ARAP2: variants seen among roughly 807,000 people sequenced by gnomAD.
The protein encoded by ARAP2 is ArfGAP with RhoGAP domain, ankyrin repeat and PH domain 2, also known as arf-GAP with Rho-GAP domain, ANK repeat and PH domain-containing protein 2.
In ARAP2, 148 loss-of-function variants were observed where a neutral mutation model predicts 194.5. That is an observed-to-expected ratio of 0.76 (90% CI 0.67 to 0.87). The LOEUF (loss-of-function observed/expected upper bound fraction) is 0.87, where lower values mean the gene tolerates loss of function less well. ARAP2 is among the 40% of genes least tolerant of loss of function. The pLI, the probability that ARAP2 is intolerant of heterozygous loss-of-function variation, is 0.00. For missense variants in ARAP2, 2,128 were observed against 1,989.7 expected (o/e 1.07, Z -1.32); for synonymous variants, 695 against 683.5 (o/e 1.02, Z -0.26).
chr4:36,060,997 T>A (rs972059389), intron 1 of ARAP2, among the ~76,000 whole-genome samples: 18 of 152,178 alleles, frequency 1.2e-4, no homozygotes, highest in Admixed American at 2.0e-4. Flanking sequence ...CTTGTGGTAA[T>A]CTGCTTTATT....
chr4:36,039,582 T>C (rs1423810747), intron 5 of ARAP2, among the ~76,000 whole-genome samples: 1 of 152,168 alleles, frequency 6.6e-6, no homozygotes, highest in Admixed American at 6.5e-5. Flanking sequence ...ATCCTGCTCA[T>C]ATTTTTAAGC....
intron 9 of ARAP2, among the ~76,000 whole-genome samples, chr4:36,174,720 G>C (rs1465347719): frequency 6.6e-6 from 1 of 152,158 alleles, no homozygotes; most frequent in Non-Finnish European, 1.5e-5. Flanking sequence ...TGGCCTTAGA[G>C]ATAGTAATCC....
intron 6 of ARAP2, among the ~76,000 whole-genome samples, chr4:36,017,461 A>G (rs1317132206): frequency 1.3e-5 from 2 of 150,400 alleles, no homozygotes; most frequent in East Asian, 4.0e-4. Flanking sequence ...TAAGGAGAAT[A>G]AGAGAGAAAG....
chr4:36,044,329 TAAAC>T (rs1721451454), intron 5 of ARAP2, among the ~76,000 whole-genome samples: 1 of 152,158 alleles, frequency 6.6e-6, no homozygotes, highest in Admixed American at 6.5e-5. Flanking sequence ...AAAATGGAAG[TAAAC>T]AAGACACTGT....
chr4:36,137,101 A>G (rs887518028), intron 19 of ARAP2, among the ~76,000 whole-genome samples: 2 of 151,860 alleles, frequency 1.3e-5, no homozygotes, highest in African/African-American at 4.8e-5. Flanking sequence ...TAAATTTGAA[A>G]ATATGTTCTA....
At chr4:36,043,794 A>AGCAGG (rs1721268599) in intron 5 of ARAP2, among the ~76,000 whole-genome samples, 1 of 26,880 alleles carries the variant, frequency 3.7e-5, no homozygotes, top group Non-Finnish European at 8.4e-5. Context: ...AGAAGAGAAG[A>AGCAGG]GAAGGGAAGG....
chr4:36,092,404 G>GT (rs140119810), intron 27 of ARAP2, among the ~76,000 whole-genome samples: 11,083 of 152,174 alleles, frequency 0.073, 464 homozygotes, highest in East Asian at 0.12. Flanking sequence ...GAGGTCAGGA[G>GT]TTCAAGACCA....
chr4:36,143,951 C>A (rs535883258), intron 19 of ARAP2, among the ~76,000 whole-genome samples: 387 of 151,840 alleles, frequency 2.5e-3, no homozygotes, highest in Non-Finnish European at 4.0e-3. Context: ...AAATGAATTT[C>A]ATCTCCTGAT....
intron 2 of ARAP2, among the ~76,000 whole-genome samples, chr4:36,219,278 T>A (rs1207530989): frequency 6.6e-6 from 1 of 152,128 alleles, no homozygotes; most frequent in Non-Finnish European, 1.5e-5. Flanking sequence ...CCCAAATATA[T>A]GTCAATGGGC....
At chr4:36,029,683 G>T (rs1356982503) in intron 5 of ARAP2, among the ~76,000 whole-genome samples, 1 of 151,718 alleles carries the variant, frequency 6.6e-6, no homozygotes, top group Admixed American at 6.6e-5. Flanking sequence ...CATGTGTTCT[G>T]TTTTATTTTC....
chr4:36,093,833 G>T (rs1213872620), intron 27 of ARAP2, among the ~76,000 whole-genome samples: 2 of 152,032 alleles, frequency 1.3e-5, no homozygotes, highest in Non-Finnish European at 2.9e-5. Context: ...GTGTACCCAA[G>T]GTTTAGCTCT....
chr4:36,138,739 T>G (rs1727470460), intron 19 of ARAP2, among the ~76,000 whole-genome samples: 1 of 151,680 alleles, frequency 6.6e-6, no homozygotes, highest in African/African-American at 2.4e-5. Context: ...GCTCATTTGT[T>G]GGGATGTATA....
rs143552108 is a variant in ARAP2 at position 36,178,886 on chromosome 4, T to A, written c.1679-881A>T. ...GTAAAAAAGAGGTATATGTGGTAGA[T>A]CTTGAGGATGAAGAGCAATTCAAAA... On this transcript the variant is annotated intron_variant, in intron 8 of 32. Transcript: ENST00000303965. Among the ~76,000 whole-genome samples the A allele has an allele frequency of 1.8e-4, 27 of 152,196 alleles. No individual in the cohort carries two copies. The East Asian group carries it at 5.2e-3, about 29-fold the overall frequency.
chr4:36,170,873 C>G (rs1161818719), intron 9 of ARAP2, among the ~76,000 whole-genome samples: 1 of 151,798 alleles, frequency 6.6e-6, no homozygotes, highest in Non-Finnish European at 1.5e-5. Context: ...AAGCATAAGA[C>G]TGGGTATCTG....
At chr4:36,117,006 A>C (rs1721512217) in intron 25 of ARAP2, 55 bp downstream of exon 25, 1 of 1,180,600 alleles carries the variant, frequency 8.5e-7, no homozygotes, top group Non-Finnish European at 1.2e-6. Context: ...ATATAAAATA[A>C]TGCTAACATT....
chr4:36,213,213 T>C lies in ARAP2; in HGVS notation c.1041+30A>G, dbSNP rs200489116. 8.1e-5 allele frequency: 117 copies of C among 1,442,864 alleles called. 1 individual carries two copies. In the Admixed American group the frequency reaches 1.1e-3, roughly 13 times the overall value. 89.4% of individuals were successfully genotyped at this position (1,442,864 alleles called of 1,614,324 possible). On this transcript the variant is annotated intron_variant, in intron 4 of 32. Coordinates refer to ENST00000303965, the MANE Select transcript of ARAP2 (RefSeq NM_015230.4). Reference sequence around the variant, plus strand: ...AGGCAGAAAAGCAAATAATTGATTATGGAAAACAATTAAAATGTATGGGAC... The same window carrying C: ...AGGCAGAAAAGCAAATAATTGATTACGGAAAACAATTAAAATGTATGGGAC...
intron 15 of ARAP2, 21 bp downstream of exon 15, chr4:36,158,709 T>C: frequency 6.4e-7 from 1 of 1,572,650 alleles, no homozygotes; most frequent in South Asian, 1.2e-5. Context: ...TGATAATATC[T>C]AAAAAGAAGA....
chr4:36,228,534 T>A (rs756742894), intron 2 of ARAP2, 48 bp downstream of exon 2: 4 of 1,497,560 alleles, frequency 2.7e-6, no homozygotes, highest in Middle Eastern at 1.8e-4. Context: ...AAAAAATCAC[T>A]GAATTTCCTC....
At chr4:36,127,644 T>C (rs1181582819) in intron 21 of ARAP2, among the ~76,000 whole-genome samples, 3 of 151,944 alleles carry the variant, frequency 2.0e-5, no homozygotes, top group Non-Finnish European at 4.4e-5. Context: ...AGATTAAATA[T>C]ATGAGACAAA....
Sources: gnomAD v4.1 joint callset for allele counts (sites outside exome capture counted in the v4.1 genomes callset) on GRCh38, gnomAD v4.1.1 for gene constraint, MANE v1.5 for transcripts, NCBI Gene and HGNC (gene_info 2026-07-23, HGNC 2026-07-21) for gene names.